GNG4: variants seen among roughly 807,000 people sequenced by gnomAD.
GNG4 encodes the protein G protein subunit gamma 4, also known as guanine nucleotide-binding protein G(I)/G(S)/G(O) subunit gamma-4.
GNG4 carries 4 observed loss-of-function variants against 5.8 expected under a neutral mutation model. That is an observed-to-expected ratio of 0.69 (90% confidence interval 0.34 to 1.57). The LOEUF (loss-of-function observed/expected upper bound fraction) is 1.57. GNG4 is among the 40% of genes most tolerant of loss of function. The pLI, the probability that GNG4 is intolerant of heterozygous loss-of-function variation, is 0.06. For missense variants in GNG4, 96 were observed against 95.1 expected (o/e 1.01, Z -0.04); for synonymous variants, 29 against 32.9 (o/e 0.88, Z 0.41).
At chr1:235,631,617 CTAGAGTGCAGTGG>C (rs1453214487) in intron 1 of GNG4, among the ~76,000 whole-genome samples, 1 of 150,464 alleles carries the variant, frequency 6.6e-6, no homozygotes, top group East Asian at 2.0e-4. Context: ...GTTGCTCAGG[CTAGAGTGCAGTGG>C]TGCTATCTTG....
At chr1:235,562,660 A>AAAAAAAAAAAAAAAAAAAAAAAAAAG (rs1687097047) in intron 3 of GNG4, among the ~76,000 whole-genome samples, 2 of 133,826 alleles carry the variant, frequency 1.5e-5, no homozygotes, top group African/African-American at 5.5e-5. Context: ...AAAAAAAAAG[A>AAAAAAAAAAAAAAAAAAAAAAAAAAG]AAAAAAAAAA....
At chr1:235,583,108 T>C (rs1423786150) in intron 3 of GNG4, among the ~76,000 whole-genome samples, 1 of 152,186 alleles carries the variant, frequency 6.6e-6, no homozygotes, top group Admixed American at 6.5e-5. Context: ...GGGGTTCCTT[T>C]CAACTCTATT....
At chr1:235,623,837 C>T (rs1444129583) in intron 1 of GNG4, among the ~76,000 whole-genome samples, 1 of 152,238 alleles carries the variant, frequency 6.6e-6, no homozygotes, top group Non-Finnish European at 1.5e-5. Flanking sequence ...CTTTCATGCA[C>T]ATCTCTGTAT....
rs1267450680 is a variant in GNG4 at position 235,552,365 on chromosome 1, T to G, written c.100-128A>C. ...TGTATTGTGTGCACGGCCTACAACATGGTCATGCCCAGGCTGGAGGGAGGG... is the reference window on the plus strand; with the variant it reads ...TGTATTGTGTGCACGGCCTACAACAGGGTCATGCCCAGGCTGGAGGGAGGG... On this transcript the variant is annotated intron_variant, in intron 3 of 3. Coordinates refer to ENST00000391854, the MANE Select transcript of GNG4 (RefSeq NM_001098722.2). 7 of 771,682 alleles carry G rather than the reference T, an allele frequency of 9.1e-6. No homozygotes were observed. In the Admixed American group the frequency reaches 1.4e-4, roughly 15 times the overall value. 47.8% of individuals were successfully genotyped at this position (771,682 alleles called of 1,614,324 possible).
chr1:235,627,921 C>T (rs939024708), intron 1 of GNG4, among the ~76,000 whole-genome samples: 6 of 152,138 alleles, frequency 3.9e-5, no homozygotes, highest in Non-Finnish European at 8.8e-5. Flanking sequence ...TGGCTCATGC[C>T]TATAATCTCA....
chr1:235,609,877 AAAAAG>A (rs1004351316), intron 1 of GNG4, among the ~76,000 whole-genome samples: 3 of 152,176 alleles, frequency 2.0e-5, no homozygotes, highest in Admixed American at 1.3e-4. Flanking sequence ...CCTGTCTCAA[AAAAAG>A]AAAAGAAAAA....
intron 1 of GNG4, among the ~76,000 whole-genome samples, chr1:235,640,738 C>G (rs1257262931): frequency 6.6e-6 from 1 of 152,256 alleles, no homozygotes; most frequent in Non-Finnish European, 1.5e-5. Context: ...GATCCAGCCT[C>G]TCGGGGCCAC....
chr1:235,564,576 A>C (rs1251575534), intron 3 of GNG4, among the ~76,000 whole-genome samples: 2 of 152,112 alleles, frequency 1.3e-5, no homozygotes, highest in African/African-American at 4.8e-5. Flanking sequence ...TTTTAATGTA[A>C]GTATTTTCTA....
intron 2 of GNG4, among the ~76,000 whole-genome samples, chr1:235,590,698 C>T (rs964180434): frequency 6.6e-6 from 1 of 152,130 alleles, no homozygotes; most frequent in African/African-American, 2.4e-5. Context: ...TTTCTCTCTC[C>T]AAGGGGCTGC....
intron 1 of GNG4, among the ~76,000 whole-genome samples, chr1:235,634,624 T>C (rs544505236): frequency 6.6e-6 from 1 of 152,298 alleles, no homozygotes; most frequent in South Asian, 2.1e-4. Context: ...TCCTTGTTCC[T>C]AATTAGGACC....
chr1:235,574,024 A>C (rs1316210135), intron 3 of GNG4, among the ~76,000 whole-genome samples: 1 of 152,196 alleles, frequency 6.6e-6, no homozygotes, highest in East Asian at 1.9e-4. Flanking sequence ...TAGATGGAAA[A>C]ACATCAAAAG....
chr1:235,590,420 A>G (rs553076065), intron 2 of GNG4, among the ~76,000 whole-genome samples: 2 of 151,872 alleles, frequency 1.3e-5, no homozygotes, highest in African/African-American at 4.8e-5. Flanking sequence ...GCGCCACTGC[A>G]CTCCAGCCTG....
At chr1:235,554,969 T>C (rs929428298) in intron 3 of GNG4, among the ~76,000 whole-genome samples, 1 of 152,124 alleles carries the variant, frequency 6.6e-6, no homozygotes, top group Non-Finnish European at 1.5e-5. Flanking sequence ...CTGAATTCTC[T>C]ATAATCCTCG....
chr1:235,633,507 A>C (rs955241065), intron 1 of GNG4, among the ~76,000 whole-genome samples: 6 of 152,204 alleles, frequency 3.9e-5, no homozygotes, highest in Non-Finnish European at 5.9e-5. Flanking sequence ...TTTATTTTTG[A>C]GACAGGGTCT....
At chr1:235,603,929 CAGAAAG>C (rs1446578564) in intron 1 of GNG4, among the ~76,000 whole-genome samples, 1 of 152,186 alleles carries the variant, frequency 6.6e-6, no homozygotes, top group African/African-American at 2.4e-5. Flanking sequence ...GAATAAACAA[CAGAAAG>C]AGAAACTAGA....
chr1:235,562,673 G>GAAAAAAAAAAAAAA (rs1195775836), intron 3 of GNG4, among the ~76,000 whole-genome samples: 25 of 122,928 alleles, frequency 2.0e-4, no homozygotes, highest in South Asian at 5.4e-4. Context: ...AAAAAAAAAA[G>GAAAAAAAAAAAAAA]AAAAAAAAAA....
At chr1:235,593,464 G>A (rs1688034005) in intron 2 of GNG4, among the ~76,000 whole-genome samples, 1 of 152,244 alleles carries the variant, frequency 6.6e-6, no homozygotes, top group African/African-American at 2.4e-5. Flanking sequence ...CACTTGACAA[G>A]TATCTGTAGG....
intron 1 of GNG4, among the ~76,000 whole-genome samples, chr1:235,603,658 C>T (rs550216955): frequency 2.6e-5 from 4 of 152,184 alleles, no homozygotes; most frequent in African/African-American, 9.7e-5. Context: ...ATCTTGAGTG[C>T]CCGATAGCAT....
chr1:235,632,904 A>C (rs532594430), intron 1 of GNG4, among the ~76,000 whole-genome samples: 1 of 152,314 alleles, frequency 6.6e-6, no homozygotes, highest in East Asian at 1.9e-4. Flanking sequence ...CTATTCAAAG[A>C]AAATTGCTTT....
Sources: gnomAD v4.1 joint callset for allele counts (sites outside exome capture counted in the v4.1 genomes callset) on GRCh38, gnomAD v4.1.1 for gene constraint, MANE v1.5 for transcripts, NCBI Gene and HGNC (gene_info 2026-07-23, HGNC 2026-07-21) for gene names.